The following TTC17 variants were observed in gnomAD, a reference collection of about 807,000 sequenced individuals.
The protein encoded by TTC17 is tetratricopeptide repeat domain 17.
A neutral mutation model predicts 143.8 loss-of-function variants in TTC17; 58 were observed. The observed-to-expected ratio is 0.40, with a 90% CI of 0.33 to 0.50. TTC17 has a LOEUF of 0.50. TTC17 is among the 20% of genes least tolerant of loss of function. The probability of loss-of-function intolerance (pLI) is 0.49; values close to 1 mark genes in which losing one functional copy is unlikely to be tolerated. For missense variants in TTC17, 1,273 were observed against 1,392.5 expected (o/e 0.91, Z 1.37); for synonymous variants, 501 against 497.8 (o/e 1.01, Z -0.09).
intron 13 of TTC17, among the ~76,000 whole-genome samples, 159 bp downstream of exon 13, chr11:43,406,110 G>T (rs1358939718): frequency 6.6e-6 from 1 of 152,194 alleles, no homozygotes; most frequent in African/African-American, 2.4e-5. Flanking sequence ...GGCGAAGTCA[G>T]TCATGCTATT....
chr11:43,432,267 A>C lies in TTC17; in HGVS notation c.2252-11058A>C, dbSNP rs191273903. 3.0e-3 allele frequency among the ~76,000 whole-genome samples: 452 copies of C among 152,304 alleles called. 3 individuals are homozygous for C. Among genetic ancestry groups the C allele is most frequent in the Non-Finnish European group, 3.6e-3 (245 of 68,020 alleles). On this transcript the variant is annotated intron_variant, in intron 16 of 23. Transcript: ENST00000039989. ...TAAATATGTAGTTGTTTTTGCAAAC[A>C]CCCTTGTAGGATAGGTTAGTATTAA...
At chr11:43,428,046 C>T (rs1254534890) in intron 16 of TTC17, among the ~76,000 whole-genome samples, 7 of 152,130 alleles carry the variant, frequency 4.6e-5, no homozygotes, top group Admixed American at 3.9e-4. Context: ...TCTACAGTTC[C>T]CACTGTAAGA....
chr11:43,405,958 C>T lies in TTC17; in HGVS notation c.1761+7C>T, dbSNP rs980415509. On this transcript the variant is annotated splice_region_variant and intron_variant, in intron 13 of 23. Transcript: ENST00000039989. ...AGATGACCATGCACGAAAAGTAAGG[C>T]TCACTTAGGCTGGTATTTATTGCCG... is the stretch of plus-strand genomic sequence containing the variant. The T allele has an allele frequency of 6.2e-7, 1 of 1,610,396 alleles. No homozygotes were observed. The highest frequency in any genetic ancestry group is 8.5e-7 in the Non-Finnish European group (1 of 1,178,888).
Position 43,414,612 on chromosome 11 carries a change from G to A in TTC17, c.2087G>A (p.Gly696Glu). The A allele has an allele frequency of 1.2e-6, 2 of 1,603,836 alleles. No homozygotes were observed. The highest frequency in any genetic ancestry group is 2.2e-5 in the East Asian group (1 of 44,778). The change falls in exon 16 of 24, where the codon GGA (glycine) becomes GAA (glutamate). Residue 696 changes from glycine (G) to glutamate (E), a missense_variant. Gly to Glu is a moderately conservative substitution (Grantham distance 98). Transcript: ENST00000039989. ...CAGCCTCTGACCTTTTTGAGCCTGG[G>A]AAATGCTTACCTTGCTCTGAAGAAT... ...SSEPLTFLSL[G>E]NAYLALKNIS...
chr11:43,451,650 T>C (rs141436207), intron 21 of TTC17, among the ~76,000 whole-genome samples: 1 of 152,340 alleles, frequency 6.6e-6, no homozygotes, highest in East Asian at 1.9e-4. Context: ...GAAATGTCTT[T>C]TCTCTTGAAA....
chr11:43,475,260 C>CT (rs1040405840), intron 21 of TTC17, among the ~76,000 whole-genome samples: 15 of 151,690 alleles, frequency 9.9e-5, no homozygotes, highest in African/African-American at 3.4e-4. Context: ...TTTTTTTGAA[C>CT]TTAAGAGAGA....
In TTC17 at chr11:43,490,285, G is replaced by A; in HGVS notation, c.3077G>A (p.Arg1026Lys). The part of the protein sequence containing the change: ...VLSSMAALYW[R>K]VKGQGKKAID... ...TCCAGCATGGCAGCCCTCTACTGGAGGGTGAAAGGCCAAGGAAAGAAGGCA... is the reference window on the plus strand; with the variant it reads ...TCCAGCATGGCAGCCCTCTACTGGAAGGTGAAAGGCCAAGGAAAGAAGGCA... The change falls in exon 22 of 24, where the codon AGG becomes AAG. Residue 1026 changes from arginine (R) to lysine (K), a missense_variant. By Grantham distance (26) the Arg-to-Lys change is conservative (BLOSUM62 2). Coordinates refer to ENST00000039989, the MANE Select transcript of TTC17 (RefSeq NM_018259.6). 3.1e-6 allele frequency: 5 copies of A among 1,613,202 alleles called. No homozygotes were observed. The highest frequency in any genetic ancestry group is 3.4e-6 in the Non-Finnish European group (4 of 1,179,484).
At position 43,358,931 on chromosome 11, in the gene TTC17, G is replaced by A. The variant is rs768386406; in HGVS notation, c.-24G>A. 2 of 1,556,928 alleles carry A rather than the reference G, an allele frequency of 1.3e-6. No homozygotes were observed. Among genetic ancestry groups the A allele is most frequent in the Non-Finnish European group, 1.7e-6 (2 of 1,152,532 alleles). On this transcript the variant is annotated 5_prime_UTR_variant, in exon 1 of 24. Transcript: ENST00000039989. ...GGAGACTAGCTTCCGCTTCCGGTGT[G>A]AGCGGCCCGGCCGGGGGGGCAAGAT...
In TTC17 at chr11:43,463,930, C is replaced by T. The variant is rs536224471; in HGVS notation, c.3030+12665C>T. ...TTCGAATACTGTAAAGGCAGCATCT[C>T]ATCAGTGAAAGGAAATGTATGTTTT... On this transcript the variant is annotated intron_variant, in intron 21 of 23. Coordinates refer to ENST00000039989, the MANE Select transcript of TTC17 (RefSeq NM_018259.6). 2.6e-5 allele frequency among the ~76,000 whole-genome samples: 4 copies of T among 152,290 alleles called. No individual in the cohort carries two copies. The East Asian group carries it at 7.7e-4, about 29-fold the overall frequency.
intron 21 of TTC17, among the ~76,000 whole-genome samples, chr11:43,478,824 C>T (rs532599976): frequency 2.6e-5 from 4 of 152,284 alleles, no homozygotes; most frequent in Non-Finnish European, 5.9e-5. Context: ...AATGTAGTCT[C>T]GCTATGTTGC....
chr11:43,359,783 C>G (rs1373826595), intron 1 of TTC17, among the ~76,000 whole-genome samples: 1 of 152,186 alleles, frequency 6.6e-6, no homozygotes, highest in African/African-American at 2.4e-5. Context: ...GTGCACTTTG[C>G]TTTGTTTCTT....
chr11:43,489,484 TC>T (rs1216138890), intron 21 of TTC17, among the ~76,000 whole-genome samples: 1 of 152,172 alleles, frequency 6.6e-6, no homozygotes, highest in African/African-American at 2.4e-5. Context: ...ATGCCTGTAA[TC>T]CCAGCACTTT....
At position 43,443,487 on chromosome 11, in the gene TTC17, A is replaced by G. The variant is rs1947469563; in HGVS notation, c.2414A>G (p.Gln805Arg). The G allele has an allele frequency of 2.5e-6, 4 of 1,614,142 alleles. No homozygotes were observed. The highest frequency in any genetic ancestry group is 3.4e-6 in the Non-Finnish European group (4 of 1,180,012). ...ATGAAAGGGCGGCGTCTAGACTTAC[A>G]AGGAATACGGGTGCTGAAGAAAGGT... ...LEMKGRRLDL[Q>R]GIRVLKKGPQ... The change falls in exon 17 of 24, where the codon CAA (glutamine) becomes CGA (arginine). Residue 805 changes from glutamine to arginine, a missense_variant. Around this residue, in one of 3 missense-constraint regions of TTC17, gnomAD observed 878 missense variants for 899.8 expected, o/e 0.98. Transcript: ENST00000039989.
chr11:43,482,167 C>T (rs1948300064), intron 21 of TTC17, among the ~76,000 whole-genome samples: 1 of 151,682 alleles, frequency 6.6e-6, no homozygotes, highest in Admixed American at 6.6e-5. Flanking sequence ...TTTGTTTTCT[C>T]TTTCATTTAT....
chr11:43,478,840 C>A (rs762671203), intron 21 of TTC17, among the ~76,000 whole-genome samples: 4 of 152,194 alleles, frequency 2.6e-5, no homozygotes, highest in East Asian at 1.9e-4. Context: ...GTTGCCCAGA[C>A]TGGTCTCAAA....
chr11:43,490,601 A>G, intron 22 of TTC17: 1 of 337,646 alleles, frequency 3.0e-6, no homozygotes. Flanking sequence ...ACTGTAAGAC[A>G]GTACTGCATT....
chr11:43,451,063 G>GC, intron 20 of TTC17, 119 bp from the exon 21 acceptor site: 1 of 861,294 alleles, frequency 1.2e-6, no homozygotes, highest in Non-Finnish European at 1.8e-6. Context: ...TAGGACCACA[G>GC]CATGTATCCC....
chr11:43,464,234 C>CA (rs917282945), intron 21 of TTC17, among the ~76,000 whole-genome samples: 6 of 150,494 alleles, frequency 4.0e-5, no homozygotes, highest in Admixed American at 2.0e-4. Flanking sequence ...GAGCTGAGAT[C>CA]ATGCTGCTGC....
At chr11:43,437,231 G>A (rs1947313057) in intron 16 of TTC17, among the ~76,000 whole-genome samples, 1 of 151,650 alleles carries the variant, frequency 6.6e-6, no homozygotes, top group South Asian at 2.1e-4. Context: ...CTGTATTCCT[G>A]ATCTCTCTTA....
Sources: gnomAD v4.1 joint callset for allele counts (sites outside exome capture counted in the v4.1 genomes callset) on GRCh38, gnomAD v4.1.1 for gene constraint, gnomAD v4.1.1 regional missense constraint, MANE v1.5 for transcripts, NCBI Gene and HGNC (gene_info 2026-07-23, HGNC 2026-07-21) for gene names.